Variants in PTPRN2 observed in about 807,000 individuals in gnomAD.
PTPRN2 encodes receptor-type tyrosine-protein phosphatase N2.
Under a neutral mutation model 118.8 loss-of-function variants are expected in PTPRN2, and 74 were observed. The ratio of observed to expected loss-of-function variants is 0.62; its 90% CI spans 0.52 to 0.76. The LOEUF is 0.76. PTPRN2 is among the 30% of genes least tolerant of loss of function. The pLI, the probability that PTPRN2 is intolerant of heterozygous loss-of-function variation, is 0.00. For missense variants in PTPRN2, 1,481 were observed against 1,394.4 expected (o/e 1.06, Z -0.99); for synonymous variants, 641 against 608.0 (o/e 1.05, Z -0.80).
intron 12 of PTPRN2, among the ~76,000 whole-genome samples, chr7:157,880,382 A>C (rs891511405): frequency 6.6e-6 from 1 of 152,276 alleles, no homozygotes; most frequent in Non-Finnish European, 1.5e-5. Flanking sequence ...AACACTGCCA[A>C]AGAAGTAAAA....
At chr7:158,585,359 G>C (rs1378577509) in intron 1 of PTPRN2, among the ~76,000 whole-genome samples, 1 of 152,112 alleles carries the variant, frequency 6.6e-6, no homozygotes, top group African/African-American at 2.4e-5. Context: ...TATACCACTG[G>C]GGCAGTTTCC....
chr7:158,344,348 G>A (rs1020636098), intron 2 of PTPRN2, among the ~76,000 whole-genome samples: 11 of 152,152 alleles, frequency 7.2e-5, no homozygotes, highest in Admixed American at 1.3e-4. Flanking sequence ...CAGGAGCTCC[G>A]TCCAGTGGGG....
At chr7:157,788,708 G>C (rs115896077) in intron 12 of PTPRN2, among the ~76,000 whole-genome samples, 18 of 152,304 alleles carry the variant, frequency 1.2e-4, no homozygotes, top group African/African-American at 4.1e-4. Flanking sequence ...CCACCCAACT[G>C]CCATGCAGGA....
intron 21 of PTPRN2, among the ~76,000 whole-genome samples, chr7:157,564,130 G>GA (rs34010599): frequency 0.9 from 137,079 of 151,560 alleles, 62,362 homozygotes; most frequent in Middle Eastern, 0.99. Flanking sequence ...AAAAGCACAA[G>GA]AAAAAAAAAT....
At position 157,982,264 on chromosome 7, in the gene PTPRN2, T is replaced by C. The variant is rs12112317; in HGVS notation, c.1724-83527A>G. The stretch of plus-strand genomic sequence containing the variant: ...CGGGGTCCCCCCAAACCCCGAGTCA[T>C]AGAGCCAAGGAGGGGAATGCAGAGT... On this transcript the variant is annotated intron_variant, in intron 11 of 22. Coordinates refer to ENST00000389418, the MANE Select transcript of PTPRN2 (RefSeq NM_002847.5). 5.0e-3 allele frequency among the ~76,000 whole-genome samples: 190 copies of C among 37,786 alleles called. 2 individuals carry two copies. Among genetic ancestry groups the C allele is most frequent in the East Asian group, 8.6e-3 (9 of 1,046 alleles). The allele number at this position is 37,786 out of a possible 152,430, so 24.8% of individuals were successfully genotyped here.
chr7:158,183,770 G>T (rs1010366264), intron 5 of PTPRN2, among the ~76,000 whole-genome samples: 1 of 152,166 alleles, frequency 6.6e-6, no homozygotes. Context: ...ACAGTTCTTT[G>T]CTTGGCTCAC....
rs1810901745 is a variant in PTPRN2 at position 157,869,147 on chromosome 7, T to C, written c.1788+29526A>G. On this transcript the variant is annotated intron_variant, in intron 12 of 22. Transcript: ENST00000389418. The surrounding 1 kb of genome is among the most constrained non-coding windows in gnomAD (Gnocchi z 4.2). ...TGTTTTCTTTATTAAAATATCAAGG[T>C]CTTTCTACAAATCTTTCCTGATACC... 6.6e-6 allele frequency: 1 copy of C among 152,222 alleles called. No homozygotes were observed. Among genetic ancestry groups the C allele is most frequent in the Non-Finnish European group, 1.5e-5 (1 of 68,046 alleles). 9.4% of individuals were successfully genotyped at this position (152,222 alleles called of 1,614,324 possible).
intron 10 of PTPRN2, among the ~76,000 whole-genome samples, chr7:158,107,256 A>ACAG (rs1412466913): frequency 6.6e-6 from 1 of 152,092 alleles, no homozygotes; most frequent in Non-Finnish European, 1.5e-5. Context: ...AGTCACCTGG[A>ACAG]CAGCACCCCT....
At chr7:157,921,297 A>C (rs1798679875) in intron 11 of PTPRN2, among the ~76,000 whole-genome samples, 1 of 152,204 alleles carries the variant, frequency 6.6e-6, no homozygotes, top group South Asian at 2.1e-4. Flanking sequence ...AGACAGTGTA[A>C]GTTGTGGTGG....
intron 5 of PTPRN2, among the ~76,000 whole-genome samples, chr7:158,171,707 C>A (rs1823720111): frequency 6.6e-6 from 1 of 152,128 alleles, no homozygotes; most frequent in Non-Finnish European, 1.5e-5. Flanking sequence ...TGAGGAGAAA[C>A]TATCCAATTA....
intron 12 of PTPRN2, among the ~76,000 whole-genome samples, chr7:157,776,815 CCTCCTCCCT>C (rs1438966444): frequency 9.6e-3 from 36 of 3,744 alleles, no homozygotes; most frequent in Non-Finnish European, 0.02. Flanking sequence ...TCCTCCACTT[CCTCCTCCCT>C]CTCCTCCCTC....
intron 17 of PTPRN2, among the ~76,000 whole-genome samples, chr7:157,578,837 C>T (rs1045376627): frequency 6.6e-6 from 1 of 152,254 alleles, no homozygotes; most frequent in Non-Finnish European, 1.5e-5. Flanking sequence ...TTAACATTTA[C>T]AGCCTAACTA....
intron 3 of PTPRN2, among the ~76,000 whole-genome samples, chr7:158,303,113 A>G (rs1801011852): frequency 6.6e-6 from 1 of 152,168 alleles, no homozygotes; most frequent in South Asian, 2.1e-4. Context: ...CAGCTTTTCT[A>G]AAGTGTTGGC....
intron 11 of PTPRN2, among the ~76,000 whole-genome samples, chr7:158,013,629 T>C: frequency 6.6e-6 from 1 of 151,970 alleles, no homozygotes; most frequent in Non-Finnish European, 1.5e-5. Flanking sequence ...CATACATCTA[T>C]CAATCCATCT....
At chr7:158,126,850 C>G (rs1817729285) in intron 9 of PTPRN2, among the ~76,000 whole-genome samples, 1 of 152,208 alleles carries the variant, frequency 6.6e-6, no homozygotes, top group African/African-American at 2.4e-5. Flanking sequence ...GCCCCCACCT[C>G]CTTCCAGACT....
At chr7:157,752,817 T>C (rs1801559857) in intron 12 of PTPRN2, among the ~76,000 whole-genome samples, 3 of 152,210 alleles carry the variant, frequency 2.0e-5, no homozygotes, top group Admixed American at 2.0e-4. Context: ...GCCAGCTCCA[T>C]CTCAGGGATG....
At position 157,878,828 on chromosome 7, in the gene PTPRN2, C is replaced by T. The variant is rs551576073; in HGVS notation, c.1788+19845G>A. On this transcript the variant is annotated intron_variant, in intron 12 of 22. Transcript: ENST00000389418. ...GGGGCTGGAAGGGTCAGTGTGATAC[C>T]GTGCACCCACACTTACTCACCGAGG... Among the ~76,000 whole-genome samples, 228 of 93,632 alleles carry T rather than the reference C, an allele frequency of 2.4e-3. 4 individuals are homozygous for T. Among genetic ancestry groups the T allele is most frequent in the African/African-American group, 9.0e-3 (203 of 22,492 alleles). 61.4% of individuals were successfully genotyped at this position (93,632 alleles called of 152,430 possible). A position where few individuals can be genotyped will look rare whatever the true frequency, so the allele number is the denominator to read the frequency against.
chr7:158,071,119 G>T (rs1434961051), intron 11 of PTPRN2, among the ~76,000 whole-genome samples: 17 of 84,964 alleles, frequency 2.0e-4, no homozygotes, highest in Non-Finnish European at 2.4e-4. Flanking sequence ...TGGTGGAGGT[G>T]CCCGTGGTGG....
intron 5 of PTPRN2, among the ~76,000 whole-genome samples, chr7:158,186,875 T>C (rs1825210272): frequency 6.6e-6 from 1 of 152,272 alleles, no homozygotes; most frequent in African/African-American, 2.4e-5. Context: ...ATCATTTCCT[T>C]AATCTAGCAC....
Sources: gnomAD v4.1 joint callset for allele counts (sites outside exome capture counted in the v4.1 genomes callset) on GRCh38, gnomAD v4.1.1 for gene constraint, Gnocchi (gnomAD v3.1) non-coding constraint, MANE v1.5 for transcripts, NCBI Gene and HGNC (gene_info 2026-07-23, HGNC 2026-07-21) for gene names.